Variants in DLGAP1 observed in about 807,000 individuals in gnomAD.
DLGAP1 encodes the protein disks large-associated protein 1.
A neutral mutation model predicts 90.8 loss-of-function variants in DLGAP1; 11 were observed. That is an observed-to-expected ratio of 0.12 (90% CI 0.08 to 0.20). DLGAP1 has a LOEUF of 0.20. Ranked by LOEUF, DLGAP1 falls within the 10% of genes least tolerant of loss-of-function variation. DLGAP1 has a pLI of 1.00. For missense variants in DLGAP1, 1,050 were observed against 1,333.8 expected (o/e 0.79, Z 3.31); for synonymous variants, 558 against 540.7 (o/e 1.03, Z -0.44).
At chr18:4,058,515 G>A (rs1028971387) in intron 2 of DLGAP1, among the ~76,000 whole-genome samples, 1 of 152,134 alleles carries the variant, frequency 6.6e-6, no homozygotes, top group Non-Finnish European at 1.5e-5. Flanking sequence ...GCCTTTTAAG[G>A]GCCCTGCCTA....
intron 5 of DLGAP1, among the ~76,000 whole-genome samples, chr18:3,754,105 A>T (rs955086444): frequency 6.6e-6 from 1 of 152,022 alleles, no homozygotes; most frequent in Non-Finnish European, 1.5e-5. Context: ...GGCTCAGGAG[A>T]TTCTCTCATC....
intron 7 of DLGAP1, among the ~76,000 whole-genome samples, chr18:3,641,305 T>C (rs958655578): frequency 1.3e-5 from 2 of 151,662 alleles, no homozygotes; most frequent in African/African-American, 4.8e-5. Context: ...CCCAGAAATT[T>C]GGGAGGCCAA....
chr18:3,900,927 T>C (rs1403710817), intron 3 of DLGAP1, among the ~76,000 whole-genome samples: 1 of 152,130 alleles, frequency 6.6e-6, no homozygotes, highest in African/African-American at 2.4e-5. Flanking sequence ...ACCTCGTTAT[T>C]TTCCGTCCTC....
At chr18:3,628,188 C>CTTTT (rs71160904) in intron 7 of DLGAP1, among the ~76,000 whole-genome samples, 8 of 123,674 alleles carry the variant, frequency 6.5e-5, no homozygotes, top group African/African-American at 2.2e-4. Flanking sequence ...GTGCTATATT[C>CTTTT]TTTTTTTTTT....
At position 3,770,241 on chromosome 18, in the gene DLGAP1, C is replaced by T. The variant is rs908611757; in HGVS notation, c.1173-27729G>A. On this transcript the variant is annotated intron_variant, in intron 5 of 12. Coordinates refer to ENST00000315677, the MANE Select transcript of DLGAP1 (RefSeq NM_004746.4). ...GCATAAGGCCTGCATCTTCCATTTT[C>T]CCTGTCTGATAGGTCAGTGCTGTCA... Among the ~76,000 whole-genome samples, 6 of 152,088 alleles carry T rather than the reference C, an allele frequency of 3.9e-5. No homozygotes were observed. The South Asian group carries it at 1.2e-3, about 32-fold the overall frequency.
rs79610699 is a variant in DLGAP1, at chr18:4,433,113, A to G, written c.-267+21893T>C. Among the ~76,000 whole-genome samples, 256 of 152,318 alleles carry G rather than the reference A, an allele frequency of 1.7e-3. 1 individual carries two copies. The highest frequency in any genetic ancestry group is 5.6e-3 in the African/African-American group (234 of 41,578). ...GTTCAAGCCGAGATTTGACTTTAAA[A>G]TCAAAGTGGCACGTGGTATTACGCA... On this transcript the variant is annotated intron_variant, in intron 1 of 12. Coordinates refer to ENST00000315677, the MANE Select transcript of DLGAP1 (RefSeq NM_004746.4).
chr18:3,794,120 G>A (rs2065872252), intron 5 of DLGAP1, among the ~76,000 whole-genome samples: 1 of 152,130 alleles, frequency 6.6e-6, no homozygotes, highest in African/African-American at 2.4e-5. Flanking sequence ...TCCTAACTCT[G>A]CACGTCTCCT....
chr18:4,317,684 C>G (rs921115528), intron 1 of DLGAP1, among the ~76,000 whole-genome samples: 12 of 152,244 alleles, frequency 7.9e-5, no homozygotes, highest in African/African-American at 2.6e-4. Flanking sequence ...GTTTTCCTCT[C>G]GAATCTCAAG....
chr18:4,149,480 C>T (rs1025878080), intron 2 of DLGAP1, among the ~76,000 whole-genome samples: 15 of 152,164 alleles, frequency 9.9e-5, no homozygotes, highest in Non-Finnish European at 1.8e-4. Context: ...CATTATGTCC[C>T]GGGGTTCACT....
intron 3 of DLGAP1, among the ~76,000 whole-genome samples, chr18:4,002,923 G>A (rs2074224748): frequency 6.6e-6 from 1 of 152,164 alleles, no homozygotes; most frequent in Non-Finnish European, 1.5e-5. Context: ...AAAAGTCTCT[G>A]CGTGTCTCTT....
At chr18:3,676,214 G>A (rs1395245090) in intron 7 of DLGAP1, among the ~76,000 whole-genome samples, 1 of 152,182 alleles carries the variant, frequency 6.6e-6, no homozygotes, top group Non-Finnish European at 1.5e-5. Context: ...CAAGGAGAAA[G>A]TTTATTTGCG....
intron 7 of DLGAP1, among the ~76,000 whole-genome samples, chr18:3,590,567 G>C (rs1414037635): frequency 6.6e-6 from 1 of 152,088 alleles, no homozygotes; most frequent in East Asian, 1.9e-4. Context: ...TGAAAATTGA[G>C]TGTAGGGTCA....
At chr18:4,103,965 T>C (rs181152245) in intron 2 of DLGAP1, among the ~76,000 whole-genome samples, 1 of 152,196 alleles carries the variant, frequency 6.6e-6, no homozygotes, top group Admixed American at 6.5e-5. Flanking sequence ...TATTTAGGAG[T>C]TTTACATCCA....
intron 1 of DLGAP1, among the ~76,000 whole-genome samples, chr18:4,391,054 A>C (rs2082330864): frequency 6.6e-6 from 1 of 152,212 alleles, no homozygotes; most frequent in African/African-American, 2.4e-5. Context: ...ACATATAATC[A>C]AGTCCAGTGT....
At chr18:4,043,883 A>G (rs752883866) in intron 2 of DLGAP1, among the ~76,000 whole-genome samples, 8 of 152,218 alleles carry the variant, frequency 5.3e-5, no homozygotes, top group African/African-American at 1.9e-4. Flanking sequence ...CATTTTCTCA[A>G]GTGTTAGTAA....
At chr18:4,031,937 G>C (rs1474904567) in intron 2 of DLGAP1, among the ~76,000 whole-genome samples, 1 of 152,186 alleles carries the variant, frequency 6.6e-6, no homozygotes, top group Non-Finnish European at 1.5e-5. Flanking sequence ...ATGGTCATAT[G>C]ACATATGGTC....
At chr18:4,257,977 G>A (rs1160356162) in intron 1 of DLGAP1, among the ~76,000 whole-genome samples, 12 of 132,582 alleles carry the variant, frequency 9.1e-5, no homozygotes, top group Non-Finnish European at 1.4e-4. Flanking sequence ...ATACATATGT[G>A]TGTGTGTGTG....
chr18:3,563,593 C>T (rs2145061496), intron 9 of DLGAP1, among the ~76,000 whole-genome samples: 1 of 152,246 alleles, frequency 6.6e-6, no homozygotes, highest in South Asian at 2.1e-4. Flanking sequence ...CCTCATCCTC[C>T]CAAGTAGCTG....
rs13380940 is a variant in DLGAP1, at chr18:3,778,223, C to T, written c.1173-35711G>A. On this transcript the variant is annotated intron_variant, in intron 5 of 12. Transcript: ENST00000315677. Reference sequence around the variant, plus strand: ...TGGGAGGCAGAGGAGGGTGGATCACCGGAGGTCAGGAGTTCAAGACCAGCC... The same window carrying T: ...TGGGAGGCAGAGGAGGGTGGATCACTGGAGGTCAGGAGTTCAAGACCAGCC... Among the ~76,000 whole-genome samples, 277 of 152,080 alleles carry T rather than the reference C, an allele frequency of 1.8e-3. 1 individual carries two copies. The highest frequency in any genetic ancestry group is 0.01 in the Middle Eastern group (3 of 294).
Sources: gnomAD v4.1 joint callset for allele counts (sites outside exome capture counted in the v4.1 genomes callset) on GRCh38, gnomAD v4.1.1 for gene constraint, MANE v1.5 for transcripts, NCBI Gene and HGNC (gene_info 2026-07-23, HGNC 2026-07-21) for gene names.